GPM6A: variants seen among roughly 807,000 people sequenced by gnomAD.
GPM6A encodes the protein glycoprotein M6A.
Under a neutral mutation model 32.1 loss-of-function variants are expected in GPM6A, and 7 were observed. That is an observed-to-expected ratio of 0.22 (90% CI 0.12 to 0.41). The LOEUF is 0.41. Among genes scored for constraint, GPM6A ranks in the 10% least tolerant of loss-of-function variants. GPM6A has a pLI of 1.00. For synonymous variants in GPM6A, 130 were observed against 123.4 expected (o/e 1.05, Z -0.35); for missense variants, 235 against 347.2 (o/e 0.68, Z 2.57).
intron 2 of GPM6A, among the ~76,000 whole-genome samples, chr4:175,697,602 G>A (rs73002156): frequency 0.047 from 7,171 of 152,162 alleles, 202 homozygotes; most frequent in Non-Finnish European, 0.063. Flanking sequence ...GAGAAACTAA[G>A]CTGAAAATTA....
chr4:175,674,271 G>A (rs1191401060), intron 2 of GPM6A, among the ~76,000 whole-genome samples: 3 of 152,056 alleles, frequency 2.0e-5, no homozygotes, highest in Non-Finnish European at 4.4e-5. Flanking sequence ...TCTGCCTGCC[G>A]TGTTCAAGTG....
chr4:175,868,058 G>C (rs1403946479), intron 1 of GPM6A, among the ~76,000 whole-genome samples: 2 of 152,130 alleles, frequency 1.3e-5, no homozygotes, highest in African/African-American at 4.8e-5. Flanking sequence ...CCTTGTCCCC[G>C]TGACTCGGTT....
intron 1 of GPM6A, among the ~76,000 whole-genome samples, chr4:175,780,486 A>G (rs966416575): frequency 1.3e-5 from 2 of 152,174 alleles, no homozygotes; most frequent in African/African-American, 4.8e-5. Flanking sequence ...ACACTCAATA[A>G]ATATCTGTGG....
chr4:175,715,587 G>T (rs1745798336), intron 1 of GPM6A, among the ~76,000 whole-genome samples: 2 of 152,112 alleles, frequency 1.3e-5, no homozygotes, highest in African/African-American at 2.4e-5. Context: ...TGGGAGTGGG[G>T]TAGAATCTGC....
intron 1 of GPM6A, among the ~76,000 whole-genome samples, chr4:175,760,134 C>G (rs985596722): frequency 6.6e-6 from 1 of 152,026 alleles, no homozygotes; most frequent in African/African-American, 2.4e-5. Context: ...GGAGATCACT[C>G]CGCTATACTC....
chr4:175,671,398 C>T (rs982654114), intron 3 of GPM6A, among the ~76,000 whole-genome samples: 2 of 136,890 alleles, frequency 1.5e-5, no homozygotes, highest in Admixed American at 8.4e-5. Context: ...TTCACAGCTA[C>T]GGAACACAGG....
intron 1 of GPM6A, among the ~76,000 whole-genome samples, chr4:175,820,872 T>G (rs924302471): frequency 2.0e-5 from 3 of 152,242 alleles, no homozygotes; most frequent in Non-Finnish European, 4.4e-5. Context: ...TCCTCAATCT[T>G]TTAATGTATA....
intron 1 of GPM6A, among the ~76,000 whole-genome samples, chr4:175,845,336 T>G (rs1279400908): frequency 6.6e-6 from 1 of 152,110 alleles, no homozygotes; most frequent in Admixed American, 6.6e-5. Context: ...TAACTTGGAA[T>G]GTAAATTTTT....
At chr4:175,848,632 T>C (rs1736160819) in intron 1 of GPM6A, among the ~76,000 whole-genome samples, 1 of 152,178 alleles carries the variant, frequency 6.6e-6, no homozygotes, top group Non-Finnish European at 1.5e-5. Flanking sequence ...TGGAAAATTA[T>C]AATTCCATTT....
intron 1 of GPM6A, among the ~76,000 whole-genome samples, chr4:175,726,515 A>T (rs1032304476): frequency 6.6e-6 from 1 of 152,204 alleles, no homozygotes; most frequent in East Asian, 1.9e-4. Context: ...AAAGCACATT[A>T]TACATCTAAA....
intron 1 of GPM6A, among the ~76,000 whole-genome samples, chr4:175,873,911 T>C (rs1370751085): frequency 6.6e-6 from 1 of 152,200 alleles, no homozygotes. Context: ...CTACAGACTT[T>C]TATTAGGGTG....
intron 1 of GPM6A, among the ~76,000 whole-genome samples, chr4:175,785,651 A>G (rs1218027144): frequency 1.3e-5 from 2 of 152,180 alleles, no homozygotes; most frequent in East Asian, 3.8e-4. Flanking sequence ...TTGCATTCAT[A>G]CTACTCATAT....
At chr4:175,915,918 T>C (rs1738478584) in intron 1 of GPM6A, among the ~76,000 whole-genome samples, 1 of 152,228 alleles carries the variant, frequency 6.6e-6, no homozygotes, top group East Asian at 1.9e-4. Context: ...TTTGTCATCC[T>C]CTGCTACTTG....
chr4:175,827,351 A>G (rs1355165261), intron 1 of GPM6A, among the ~76,000 whole-genome samples: 3 of 152,184 alleles, frequency 2.0e-5, no homozygotes, highest in African/African-American at 4.8e-5. Flanking sequence ...CTTAGCATTT[A>G]TGTCCTCACT....
intron 1 of GPM6A, among the ~76,000 whole-genome samples, chr4:175,975,426 A>C (rs1161543222): frequency 6.6e-6 from 1 of 152,184 alleles, no homozygotes; most frequent in Non-Finnish European, 1.5e-5. Flanking sequence ...TCTGTGATAT[A>C]ACTAACCATG....
At chr4:175,696,885 A>G (rs1744610459) in intron 2 of GPM6A, among the ~76,000 whole-genome samples, 2 of 152,072 alleles carry the variant, frequency 1.3e-5, no homozygotes, top group African/African-American at 4.8e-5. Context: ...AGAGATATAA[A>G]CCCACCCGAA....
intron 1 of GPM6A, among the ~76,000 whole-genome samples, chr4:175,871,305 A>G (rs1162668791): frequency 6.6e-6 from 1 of 152,006 alleles, no homozygotes; most frequent in Non-Finnish European, 1.5e-5. Flanking sequence ...CCCCATCGCT[A>G]CTAAAAATAC....
chr4:175,878,248 G>T (rs1409582158), intron 1 of GPM6A, among the ~76,000 whole-genome samples: 7 of 152,262 alleles, frequency 4.6e-5, no homozygotes, highest in African/African-American at 1.7e-4. Context: ...CTGGGGTCTG[G>T]AGGATAGTGG....
At chr4:175,774,111 T>C (rs1038926191) in intron 1 of GPM6A, among the ~76,000 whole-genome samples, 1 of 152,130 alleles carries the variant, frequency 6.6e-6, no homozygotes, top group Non-Finnish European at 1.5e-5. Flanking sequence ...TCAAGTTTCA[T>C]AGACCACTGT....
Sources: gnomAD v4.1 joint callset for allele counts (sites outside exome capture counted in the v4.1 genomes callset) on GRCh38, gnomAD v4.1.1 for gene constraint, MANE v1.5 for transcripts, NCBI Gene and HGNC (gene_info 2026-07-23, HGNC 2026-07-21) for gene names.